The following RAB8B variants were observed in gnomAD, a reference collection of about 807,000 sequenced individuals.
RAB8B encodes the protein ras-related protein Rab-8B.
In RAB8B, 11 loss-of-function variants were observed where a neutral mutation model predicts 32.0. The observed-to-expected ratio is 0.34, with a 90% CI of 0.22 to 0.57. RAB8B has a LOEUF of 0.57. RAB8B is among the 20% of genes least tolerant of loss of function. RAB8B has a pLI of 0.86. For missense variants in RAB8B, 190 were observed against 258.5 expected (o/e 0.73, Z 1.82); for synonymous variants, 103 against 89.6 (o/e 1.15, Z -0.85).
At chr15:63,223,098 A>T (rs1380205033) in intron 1 of RAB8B, 2 of 450,428 alleles carry the variant, frequency 4.4e-6, no homozygotes, top group South Asian at 3.1e-5. Flanking sequence ...TAGGTATACC[A>T]TTTTTATTTT....
chr15:63,205,124 C>T lies in RAB8B; in HGVS notation c.124+15376C>T, dbSNP rs564118534. ...ACCAGCCTGGTCAACATGGTGAAAC[C>T]CCGTCTCTACAAAAATACAAAAAAA... On this transcript the variant is annotated intron_variant, in intron 1 of 7. Coordinates refer to ENST00000321437, the MANE Select transcript of RAB8B (RefSeq NM_016530.3). 4.6e-5 allele frequency among the ~76,000 whole-genome samples: 7 copies of T among 152,274 alleles called. No individual in the cohort carries two copies. In the East Asian group the frequency reaches 1.2e-3, roughly 25 times the overall value.
intron 1 of RAB8B, among the ~76,000 whole-genome samples, chr15:63,196,909 A>G (rs1318426136): frequency 1.3e-5 from 2 of 152,346 alleles, no homozygotes; most frequent in South Asian, 2.1e-4. Context: ...CCCCACTAAC[A>G]TAAATACCAA....
intron 3 of RAB8B, among the ~76,000 whole-genome samples, chr15:63,255,252 C>T (rs527992418): frequency 2.0e-5 from 3 of 152,226 alleles, no homozygotes; most frequent in African/African-American, 4.8e-5. Context: ...GGGTGTATCA[C>T]CTTTACCACG....
chr15:63,252,815 C>A (rs566282461), intron 3 of RAB8B, among the ~76,000 whole-genome samples: 1 of 148,918 alleles, frequency 6.7e-6, no homozygotes, highest in South Asian at 2.1e-4. Flanking sequence ...ATGGCACGAT[C>A]TCGGCTCACT....
At chr15:63,226,258 A>G (rs1024175334) in intron 1 of RAB8B, among the ~76,000 whole-genome samples, 21 of 152,320 alleles carry the variant, frequency 1.4e-4, no homozygotes, top group African/African-American at 5.1e-4. Context: ...TGTGTGGTTG[A>G]GCACTCTTTA....
intron 7 of RAB8B, among the ~76,000 whole-genome samples, chr15:63,262,957 C>T (rs546051682): frequency 3.3e-5 from 5 of 152,078 alleles, no homozygotes; most frequent in African/African-American, 1.2e-4. Context: ...TTTAAGTGAT[C>T]TTTAATTGAA....
chr15:63,224,998 A>G (rs1459988722), intron 1 of RAB8B, among the ~76,000 whole-genome samples: 1 of 152,228 alleles, frequency 6.6e-6, no homozygotes, highest in African/African-American at 2.4e-5. Flanking sequence ...CTCTTAGAGC[A>G]GCAGGTTCTT....
rs1199802347 is a variant in RAB8B, at chr15:63,223,735, T to C, written c.125-21021T>C. Reference sequence around the variant, plus strand: ...TTAAGTGACACGTGACTGTACTTGGTTGTTAAGTGACACATGACTGTATTT... The same window carrying C: ...TTAAGTGACACGTGACTGTACTTGGCTGTTAAGTGACACATGACTGTATTT... On this transcript the variant is annotated intron_variant, in intron 1 of 7. Coordinates refer to ENST00000321437, the MANE Select transcript of RAB8B (RefSeq NM_016530.3). The C allele has an allele frequency of 3.1e-5, 8 of 255,980 alleles. No homozygotes were observed. The Admixed American group carries it at 3.6e-4, about 11-fold the overall frequency. 15.9% of individuals were successfully genotyped at this position (255,980 alleles called of 1,614,324 possible).
intron 1 of RAB8B, among the ~76,000 whole-genome samples, chr15:63,190,372 A>G (rs1043141655): frequency 6.6e-6 from 1 of 152,058 alleles, no homozygotes; most frequent in African/African-American, 2.4e-5. Flanking sequence ...GTGGAAGAAG[A>G]GTTCAAGGGA....
intron 1 of RAB8B, among the ~76,000 whole-genome samples, chr15:63,194,874 G>A (rs1238790341): frequency 6.6e-6 from 1 of 152,180 alleles, no homozygotes; most frequent in African/African-American, 2.4e-5. Flanking sequence ...ATCCCACAAA[G>A]CTTAAAAATA....
chr15:63,233,777 C>A (rs1024885812), intron 1 of RAB8B, among the ~76,000 whole-genome samples: 1 of 152,128 alleles, frequency 6.6e-6, no homozygotes, highest in African/African-American at 2.4e-5. Flanking sequence ...CACGTGTTTC[C>A]AAATGTACTT....
intron 1 of RAB8B, among the ~76,000 whole-genome samples, chr15:63,244,299 G>C (rs1166510396): frequency 1.3e-5 from 2 of 152,140 alleles, no homozygotes; most frequent in African/African-American, 4.8e-5. Context: ...CTGTCAAATA[G>C]GCAAATTTTT....
At position 63,209,582 on chromosome 15, in the gene RAB8B, A is replaced by AAAAAT. The variant is rs987852582; in HGVS notation, c.124+19852_124+19856dup. ...CTCCAGCCTGGGAGACAAAAAGCGA[A>AAAAAT]AAAATAAAATAAAATAAAATAAGAA... On this transcript the variant is annotated intron_variant, in intron 1 of 7. Coordinates refer to ENST00000321437, the MANE Select transcript of RAB8B (RefSeq NM_016530.3). 7.2e-5 allele frequency among the ~76,000 whole-genome samples: 11 copies of AAAAAT among 152,234 alleles called. 1 individual carries two copies. Among genetic ancestry groups the AAAAAT allele is most frequent in the Admixed American group, 2.6e-4 (4 of 15,296 alleles).
chr15:63,207,645 C>T (rs916059807), intron 1 of RAB8B, among the ~76,000 whole-genome samples: 4 of 151,874 alleles, frequency 2.6e-5, no homozygotes, highest in African/African-American at 7.3e-5. Context: ...CTGCAATCTC[C>T]GCCTCCTGGG....
intron 1 of RAB8B, among the ~76,000 whole-genome samples, chr15:63,216,466 C>A (rs992136993): frequency 6.6e-6 from 1 of 151,682 alleles, no homozygotes; most frequent in Non-Finnish European, 1.5e-5. Context: ...TGAGCTCGAG[C>A]AGTCCACCTG....
chr15:63,258,566 A>T (rs192213880), intron 5 of RAB8B, among the ~76,000 whole-genome samples: 5 of 152,334 alleles, frequency 3.3e-5, no homozygotes, highest in African/African-American at 1.2e-4. Flanking sequence ...GCACACACAC[A>T]AACAATGAAA....
intron 1 of RAB8B, among the ~76,000 whole-genome samples, chr15:63,191,671 T>C (rs2141103328): frequency 6.6e-6 from 1 of 152,354 alleles, no homozygotes; most frequent in South Asian, 2.1e-4. Context: ...TTCTAACAAG[T>C]TGAGTGGGTG....
At chr15:63,224,155 A>G (rs1398161199) in intron 1 of RAB8B, among the ~76,000 whole-genome samples, 1 of 152,048 alleles carries the variant, frequency 6.6e-6, no homozygotes, top group East Asian at 1.9e-4. Context: ...GCCATATTTT[A>G]TTTTATTTAT....
At chr15:63,260,783 T>C (rs1396489719) in intron 6 of RAB8B, among the ~76,000 whole-genome samples, 1 of 152,192 alleles carries the variant, frequency 6.6e-6, no homozygotes, top group East Asian at 1.9e-4. Flanking sequence ...AATTTACATG[T>C]GATATGTGTT....
Sources: gnomAD v4.1 joint callset for allele counts (sites outside exome capture counted in the v4.1 genomes callset) on GRCh38, gnomAD v4.1.1 for gene constraint, MANE v1.5 for transcripts, NCBI Gene and HGNC (gene_info 2026-07-23, HGNC 2026-07-21) for gene names.